The following PRKCZ variants were observed in gnomAD, a reference collection of about 807,000 sequenced individuals.
PRKCZ encodes the protein protein kinase C zeta.
A neutral mutation model predicts 79.5 loss-of-function variants in PRKCZ; 33 were observed. The ratio of observed to expected loss-of-function variants is 0.41; its 90% confidence interval spans 0.31 to 0.55. The LOEUF (loss-of-function observed/expected upper bound fraction) is 0.55, where lower values mean the gene tolerates loss of function less well. PRKCZ is among the 20% of genes least tolerant of loss of function. PRKCZ has a pLI of 0.19. For synonymous variants in PRKCZ, 342 were observed against 320.9 expected (o/e 1.07, Z -0.70); for missense variants, 578 against 813.5 (o/e 0.71, Z 3.52).
At chr1:2,052,837 G>A (rs889280588) in intron 1 of PRKCZ, among the ~76,000 whole-genome samples, 1 of 152,188 alleles carries the variant, frequency 6.6e-6, no homozygotes, top group African/African-American at 2.4e-5. Context: ...GTGGACACGT[G>A]GAAGACTAGT....
intron 4 of PRKCZ, among the ~76,000 whole-genome samples, chr1:2,095,452 C>T (rs574579289): frequency 4.6e-5 from 7 of 152,234 alleles, no homozygotes; most frequent in Middle Eastern, 3.4e-3. Context: ...TGGTGCCCAC[C>T]GAGGGCCCAG....
rs960265164 is a variant in PRKCZ at position 2,082,191 on chromosome 1, C to T, written c.334+22600C>T. 72 of 349,356 alleles carry T rather than the reference C, an allele frequency of 2.1e-4. No individual in the cohort carries two copies. In the East Asian group the frequency reaches 4.9e-3, roughly 24 times the overall value. The allele number at this position is 349,356 out of a possible 1,614,324, so 21.6% of individuals were successfully genotyped here. A position where few individuals can be genotyped will look rare whatever the true frequency, so the allele number is the denominator to read the frequency against. On this transcript the variant is annotated intron_variant, in intron 4 of 17. Coordinates refer to ENST00000378567, the MANE Select transcript of PRKCZ (RefSeq NM_002744.6). The surrounding 1 kb of genome is among the most constrained non-coding windows in gnomAD (Gnocchi z 4.4). Reference sequence around the variant, plus strand: ...ACGGGTTCTTTGCAGCCCTTGGCAGCGTCGCCCGCTCTGTCCCGCCTGTTG... The same window carrying T: ...ACGGGTTCTTTGCAGCCCTTGGCAGTGTCGCCCGCTCTGTCCCGCCTGTTG...
At chr1:2,134,729 G>A (rs886573997) in intron 4 of PRKCZ, 5 of 152,422 alleles carry the variant, frequency 3.3e-5, no homozygotes, top group African/African-American at 1.2e-4. Context: ...TGCGTCTGGC[G>A]AGTTGTTGAA....
chr1:2,147,616 C>T (rs1049539581), intron 7 of PRKCZ, among the ~76,000 whole-genome samples: 1 of 151,964 alleles, frequency 6.6e-6, no homozygotes, highest in Non-Finnish European at 1.5e-5. Context: ...ATCTATCCAG[C>T]TATTGTCCAC....
rs2102331657 is a variant in PRKCZ, at chr1:2,075,090, G to T, written c.334+15499G>T. 1 of 152,420 alleles carries T rather than the reference G, an allele frequency of 6.6e-6. No homozygotes were observed. Among genetic ancestry groups the T allele is most frequent in the Admixed American group, 6.5e-5 (1 of 15,308 alleles). 9.4% of individuals were successfully genotyped at this position (152,420 alleles called of 1,614,324 possible). On this transcript the variant is annotated intron_variant, in intron 4 of 17. Transcript: ENST00000378567. The surrounding 1 kb of genome is among the most constrained non-coding windows in gnomAD (Gnocchi z 4.8). ...CAGGGCTGCTCCGCACAGCCAGCTT[G>T]GGCCGCAGGGGTCCTTGAGTGATGA...
chr1:2,084,424 C>G (rs543579279), intron 4 of PRKCZ, among the ~76,000 whole-genome samples: 19 of 152,348 alleles, frequency 1.2e-4, no homozygotes, highest in African/African-American at 4.3e-4. Context: ...CCTGCCTGGT[C>G]TCTGGGACCC....
At position 2,173,417 on chromosome 1, in the gene PRKCZ, A is replaced by T. The variant is rs1404902338; in HGVS notation, c.1286-480A>T. Among the ~76,000 whole-genome samples, 2 of 152,236 alleles carry T rather than the reference A, an allele frequency of 1.3e-5. No homozygotes were observed. Among genetic ancestry groups the T allele is most frequent in the Non-Finnish European group, 2.9e-5 (2 of 68,046 alleles). The stretch of plus-strand genomic sequence containing the variant: ...GCAGAGACAGCTGCTGTCCTTGGGC[A>T]AAACGGGTCAGGGTCTCCCACCCCT... On this transcript the variant is annotated intron_variant, in intron 13 of 17. Transcript: ENST00000378567. The surrounding 1 kb of genome is among the most constrained non-coding windows in gnomAD (Gnocchi z 5.7).
Position 2,168,959 on chromosome 1 carries a change from C to T in PRKCZ, c.975-559C>T, listed in dbSNP as rs890430226. On this transcript the variant is annotated intron_variant, in intron 10 of 17. Transcript: ENST00000378567. This position sits in a 1 kb window ranked among gnomAD's most constrained non-coding sequence, Gnocchi z 4.7. ...GCCTGCGTGGTCCTGATGACATCTG[C>T]GGATCTTTTAAAATCATACGATCAT... is the stretch of plus-strand genomic sequence containing the variant. The T allele has an allele frequency of 6.2e-5, 22 of 356,112 alleles. No individual in the cohort carries two copies. Among genetic ancestry groups the T allele is most frequent in the African/African-American group, 1.1e-4 (5 of 47,070 alleles). 22.1% of individuals were successfully genotyped at this position (356,112 alleles called of 1,614,324 possible). A position where few individuals can be genotyped will look rare whatever the true frequency, so the allele number is the denominator to read the frequency against.
At chr1:2,083,103 G>A (rs1381005272) in intron 4 of PRKCZ, among the ~76,000 whole-genome samples, 2 of 152,164 alleles carry the variant, frequency 1.3e-5, no homozygotes, top group African/African-American at 2.4e-5. Flanking sequence ...AACACGTATC[G>A]TTAGCGTTTC....
At chr1:2,123,921 C>T (rs1020673026) in intron 4 of PRKCZ, among the ~76,000 whole-genome samples, 1 of 8,448 alleles carries the variant, frequency 1.2e-4, no homozygotes, top group Non-Finnish European at 2.2e-4. Context: ...GTTAGGGTCA[C>T]GGCGGTGGTT....
At chr1:2,079,016 G>A (rs1375554834) in intron 4 of PRKCZ, among the ~76,000 whole-genome samples, 1 of 152,108 alleles carries the variant, frequency 6.6e-6, no homozygotes, top group Non-Finnish European at 1.5e-5. Flanking sequence ...CTAATTTTTT[G>A]TAGTTTTAGT....
intron 4 of PRKCZ, among the ~76,000 whole-genome samples, chr1:2,105,474 A>G (rs1003994918): frequency 1.3e-5 from 2 of 152,148 alleles, no homozygotes; most frequent in Non-Finnish European, 2.9e-5. Context: ...ATCTCAGCTC[A>G]CTGCAACCTT....
intron 4 of PRKCZ, among the ~76,000 whole-genome samples, chr1:2,121,389 A>G (rs183519718): frequency 1.4e-5 from 2 of 146,838 alleles, no homozygotes; most frequent in East Asian, 1.9e-4. Flanking sequence ...TTGAAGCCCT[A>G]ACCCTCCAGT....
intron 4 of PRKCZ, among the ~76,000 whole-genome samples, chr1:2,091,516 G>A (rs1365348618): frequency 6.6e-6 from 1 of 152,048 alleles, no homozygotes; most frequent in African/African-American, 2.4e-5. Context: ...ATGTCTCGCC[G>A]TCCTCGCTGA....
chr1:2,064,482 A>G (rs902481699), intron 4 of PRKCZ, among the ~76,000 whole-genome samples: 3 of 152,096 alleles, frequency 2.0e-5, no homozygotes, highest in African/African-American at 7.2e-5. Context: ...TCTTTCATCT[A>G]AGGATTTTAT....
intron 4 of PRKCZ, among the ~76,000 whole-genome samples, chr1:2,132,735 T>C (rs938295409): frequency 6.6e-6 from 1 of 152,240 alleles, no homozygotes; most frequent in Non-Finnish European, 1.5e-5. Flanking sequence ...GACTAAAATC[T>C]TCTGTAATTC....
rs756392599 is a variant in PRKCZ, at chr1:2,184,569, A to G, written c.1576-14A>G. Reference sequence around the variant, plus strand: ...CCCGCGCGGAGCTGACCCTTCTCCTATTGTTTTTCCAAGCTGGAGAAGAAG... The same window carrying G: ...CCCGCGCGGAGCTGACCCTTCTCCTGTTGTTTTTCCAAGCTGGAGAAGAAG... On this transcript the variant is annotated splice_polypyrimidine_tract_variant and intron_variant, in intron 16 of 17. Transcript: ENST00000378567. The G allele has an allele frequency of 2.4e-5, 39 of 1,609,740 alleles. 1 individual carries two copies. Among genetic ancestry groups the G allele is most frequent in the East Asian group, 6.7e-5 (3 of 44,804 alleles).
chr1:2,107,952 G>GCAGTGTCAAGGGAGCCCCCAGA (rs538212087), intron 4 of PRKCZ, among the ~76,000 whole-genome samples: 8 of 149,950 alleles, frequency 5.3e-5, no homozygotes, highest in African/African-American at 1.2e-4. Flanking sequence ...GGAGCCCCTG[G>GCAGTGTCAAGGGAGCCCCCAGA]CAGTGTCAAG....
Position 2,172,319 on chromosome 1 carries a change from G to A in PRKCZ, c.1216G>A (p.Asp406Asn). 1.9e-6 allele frequency: 3 copies of A among 1,613,626 alleles called. No homozygotes were observed. The highest frequency in any genetic ancestry group is 2.5e-6 in the Non-Finnish European group (3 of 1,180,014). Residue 406 changes from aspartate to asparagine, a missense_variant, in exon 13 of 18, where the codon GAC (aspartate) becomes AAC (asparagine). Physicochemically the swap from Asp to Asn is conservative, Grantham distance 23 (BLOSUM62 1). Transcript: ENST00000378567. The surrounding 1 kb of genome is among the most constrained non-coding windows in gnomAD (Gnocchi z 7.8). ...GMCKEGLGPG[D>N]TTSTFCGTPN... ...CCCACAGGAAGGCCTGGGCCCTGGTGACACAACGAGCACTTTCTGCGGAAC... is the reference window on the plus strand; with the variant it reads ...CCCACAGGAAGGCCTGGGCCCTGGTAACACAACGAGCACTTTCTGCGGAAC...
Sources: gnomAD v4.1 joint callset for allele counts (sites outside exome capture counted in the v4.1 genomes callset) on GRCh38, gnomAD v4.1.1 for gene constraint, Gnocchi (gnomAD v3.1) non-coding constraint, MANE v1.5 for transcripts, NCBI Gene and HGNC (gene_info 2026-07-23, HGNC 2026-07-21) for gene names.